Variants in DNAH14 observed in about 807,000 individuals in gnomAD.
The protein encoded by DNAH14 is dynein axonemal heavy chain 14, also known as axonemal beta dynein heavy chain 14.
In DNAH14, 478 loss-of-function variants were observed where a neutral mutation model predicts 520.9. The observed-to-expected ratio is 0.92, with a 90% CI of 0.85 to 0.99. DNAH14 has a LOEUF of 0.99. Among genes scored for constraint, DNAH14 ranks in the 50% least tolerant of loss-of-function variants. The pLI, the probability that DNAH14 is intolerant of heterozygous loss-of-function variation, is 0.00. For synonymous variants in DNAH14, 1,581 were observed against 1,757.2 expected (o/e 0.90, Z 2.51); for missense variants, 4,831 against 5,234.5 (o/e 0.92, Z 2.38).
intron 54 of DNAH14, among the ~76,000 whole-genome samples, chr1:225,277,756 C>T (rs192624134): frequency 6.6e-6 from 1 of 152,310 alleles, no homozygotes; most frequent in Admixed American, 6.5e-5. Context: ...AGCATTAATA[C>T]AGTAGCTGTG....
intron 17 of DNAH14, among the ~76,000 whole-genome samples, chr1:225,078,927 T>A (rs1216244335): frequency 6.7e-6 from 1 of 149,468 alleles, no homozygotes; most frequent in Non-Finnish European, 1.5e-5. Flanking sequence ...TAAGATGTGC[T>A]TGCTTCCCTT....
chr1:225,249,441 GA>G (rs767907956), intron 43 of DNAH14, among the ~76,000 whole-genome samples: 10 of 152,134 alleles, frequency 6.6e-5, no homozygotes, highest in Non-Finnish European at 1.0e-4. Flanking sequence ...ATTTGGGATG[GA>G]CAGTAATAAA....
chr1:225,116,066 G>A (rs1459906013), intron 23 of DNAH14, among the ~76,000 whole-genome samples: 3 of 152,184 alleles, frequency 2.0e-5, no homozygotes, highest in Non-Finnish European at 2.9e-5. Flanking sequence ...GGGTAGGTGG[G>A]AAGAGTATTT....
In DNAH14 at chr1:225,301,008, C is replaced by T. The variant is rs967452429; in HGVS notation, c.8609C>T (p.Ser2870Phe). 1.3e-6 allele frequency: 2 copies of T among 1,548,636 alleles called. No individual in the cohort carries two copies. Among genetic ancestry groups the T allele is most frequent in the South Asian group, 2.4e-5 (2 of 82,948 alleles). Residue 2870 changes from serine (S) to phenylalanine (F), a missense_variant, in exon 56 of 86, where the codon TCT (serine) becomes TTT (phenylalanine). Coordinates refer to ENST00000682510, the MANE Select transcript of DNAH14 (RefSeq NM_001367479.1). Reference sequence around the variant, plus strand: ...TCTGGTCATATGGATAATAGGCAATCTTTACTTTCATTCTTTCAAAAGGTA... The same window carrying T: ...TCTGGTCATATGGATAATAGGCAATTTTTACTTTCATTCTTTCAAAAGGTA... ...EQSGHMDNRQSLLSFFQKRIY... is the reference protein window; with the variant it reads ...EQSGHMDNRQFLLSFFQKRIY...
At position 225,081,331 on chromosome 1, in the gene DNAH14, CCAGA is replaced by C. The variant is rs1472222324; in HGVS notation, c.3136+586_3136+589del. On this transcript the variant is annotated intron_variant, in intron 19 of 85. Coordinates refer to ENST00000682510, the MANE Select transcript of DNAH14 (RefSeq NM_001367479.1). ...AGCTAAAATTTCTTCTCCAGAAAAG[CCAGA>C]CAAACACTTTATTTCACTTGTTTTA... Among the ~76,000 whole-genome samples, 31 of 152,142 alleles carry C rather than the reference CCAGA, an allele frequency of 2.0e-4. No homozygotes were observed. In the South Asian group the frequency reaches 2.3e-3, roughly 11 times the overall value.
At chr1:225,366,705 A>G (rs1452822208) in intron 76 of DNAH14, among the ~76,000 whole-genome samples, 1 of 152,190 alleles carries the variant, frequency 6.6e-6, no homozygotes, top group East Asian at 1.9e-4. Flanking sequence ...GAGTCAGAGA[A>G]GCTTGTCTTC....
rs995966281 is a variant in DNAH14 at position 224,988,613 on chromosome 1, A to G, written c.831-14170A>G. Among the ~76,000 whole-genome samples, 7 of 152,216 alleles carry G rather than the reference A, an allele frequency of 4.6e-5. 1 individual carries two copies. In the South Asian group the frequency reaches 8.3e-4, roughly 18 times the overall value. The stretch of plus-strand genomic sequence containing the variant: ...TACCATTTGACCCAGCAATTCCATT[A>G]TTGGGTGTATACCCAAAGGAATATA... On this transcript the variant is annotated intron_variant, in intron 8 of 85. Transcript: ENST00000682510.
chr1:224,948,341 A>G (rs2059973290), intron 1 of DNAH14, among the ~76,000 whole-genome samples: 1 of 151,608 alleles, frequency 6.6e-6, no homozygotes. Context: ...CTTTCTATCT[A>G]GTGACTCTTT....
intron 41 of DNAH14, among the ~76,000 whole-genome samples, chr1:225,211,149 A>G (rs1574014453): frequency 1.3e-5 from 2 of 152,350 alleles, no homozygotes; most frequent in African/African-American, 2.4e-5. Context: ...TGAATGGAGA[A>G]TGAGTTTGAT....
rs374557296 is a variant in DNAH14 at position 225,383,352 on chromosome 1, G to A, written c.13077+1773G>A. 4.6e-5 allele frequency among the ~76,000 whole-genome samples: 7 copies of A among 152,254 alleles called. No individual in the cohort carries two copies. The East Asian group carries it at 7.7e-4, about 17-fold the overall frequency. ...TCCGAATCACAGGACTTCAGAGCTCGAAAGGATCTTAGGGAACCCCCACTC... is the reference window on the plus strand; with the variant it reads ...TCCGAATCACAGGACTTCAGAGCTCAAAAGGATCTTAGGGAACCCCCACTC... On this transcript the variant is annotated intron_variant, in intron 81 of 85. Transcript: ENST00000682510.
intron 10 of DNAH14, among the ~76,000 whole-genome samples, chr1:225,017,682 C>A (rs1558693773): frequency 6.6e-6 from 1 of 152,222 alleles, no homozygotes. Flanking sequence ...CTATTGCCTG[C>A]AGTCTGGGAG....
intron 54 of DNAH14, among the ~76,000 whole-genome samples, chr1:225,286,020 G>C (rs1179988104): frequency 6.6e-6 from 1 of 152,194 alleles, no homozygotes; most frequent in Non-Finnish European, 1.5e-5. Flanking sequence ...AGCCTGGAAG[G>C]CCTCATGTTA....
intron 64 of DNAH14, among the ~76,000 whole-genome samples, chr1:225,327,698 A>T (rs923944438): frequency 2.0e-5 from 3 of 152,154 alleles, no homozygotes; most frequent in African/African-American, 7.2e-5. Flanking sequence ...CAAAGCTAGC[A>T]GAAGAAAAGA....
chr1:224,981,763 T>A (rs1265494236), intron 8 of DNAH14, among the ~76,000 whole-genome samples: 2 of 152,200 alleles, frequency 1.3e-5, no homozygotes, highest in African/African-American at 2.4e-5. Context: ...ATCTTTTGTA[T>A]TTTTGGTTGG....
chr1:225,208,801 G>A (rs1457402310), intron 41 of DNAH14, among the ~76,000 whole-genome samples: 1 of 152,016 alleles, frequency 6.6e-6, no homozygotes, highest in Non-Finnish European at 1.5e-5. Context: ...TATTCTCTTT[G>A]TGTTTCTGTT....
chr1:225,274,197 ATTTTTTT>A (rs869247051), intron 52 of DNAH14, among the ~76,000 whole-genome samples: 12 of 92,886 alleles, frequency 1.3e-4, no homozygotes, highest in East Asian at 6.6e-4. Context: ...AGCATCTGTT[ATTTTTTT>A]TTTTTTTTTT....
At chr1:225,221,955 A>G (rs886208997) in intron 41 of DNAH14, among the ~76,000 whole-genome samples, 1 of 152,192 alleles carries the variant, frequency 6.6e-6, no homozygotes, top group Non-Finnish European at 1.5e-5. Flanking sequence ...TTGTCATTAA[A>G]TCTGTACTGA....
intron 27 of DNAH14, among the ~76,000 whole-genome samples, chr1:225,136,716 G>A (rs2078979744): frequency 6.6e-6 from 1 of 152,134 alleles, no homozygotes; most frequent in Non-Finnish European, 1.5e-5. Context: ...GGTTGGGGAA[G>A]TTCTCCTGGA....
intron 1 of DNAH14, among the ~76,000 whole-genome samples, chr1:224,949,888 C>G (rs529319147): frequency 6.6e-6 from 1 of 152,088 alleles, no homozygotes; most frequent in African/African-American, 2.4e-5. Flanking sequence ...TCTGATATCT[C>G]CTACTCCCAG....
Sources: gnomAD v4.1 joint callset for allele counts (sites outside exome capture counted in the v4.1 genomes callset) on GRCh38, gnomAD v4.1.1 for gene constraint, MANE v1.5 for transcripts, NCBI Gene and HGNC (gene_info 2026-07-23, HGNC 2026-07-21) for gene names.